CLIP2: variants seen among roughly 807,000 people sequenced by gnomAD.
CLIP2 encodes the protein CAP-Gly domain containing linker protein 2, also known as CAP-Gly domain-containing linker protein 2.
A neutral mutation model predicts 111.7 loss-of-function variants in CLIP2; 41 were observed. The ratio of observed to expected loss-of-function variants is 0.37; its 90% CI spans 0.29 to 0.48. The LOEUF (loss-of-function observed/expected upper bound fraction) is 0.48, where lower values mean the gene tolerates loss of function less well. Ranked by LOEUF, CLIP2 falls within the 20% of genes least tolerant of loss-of-function variation. The pLI is 0.99. For synonymous variants in CLIP2, 660 were observed against 644.2 expected, an observed-to-expected ratio of 1.02 and a Z score of -0.37; for missense variants, 1,160 against 1,422.1, an observed-to-expected ratio of 0.82 and a Z score of 2.96.
intron 11 of CLIP2, among the ~76,000 whole-genome samples, chr7:74,384,688 C>T (rs1554314521): frequency 6.6e-6 from 1 of 151,904 alleles, no homozygotes; most frequent in African/African-American, 2.4e-5. Flanking sequence ...TCAATCGATG[C>T]ACCTGCCTCG....
intron 1 of CLIP2, among the ~76,000 whole-genome samples, chr7:74,312,307 G>A (rs1788661750): frequency 1.3e-5 from 2 of 152,112 alleles, no homozygotes; most frequent in Admixed American, 1.3e-4. Flanking sequence ...TTCTCTGTGG[G>A]AGGGATTTTG....
chr7:74,293,299 C>A (rs1222522296), intron 1 of CLIP2, among the ~76,000 whole-genome samples: 1 of 152,148 alleles, frequency 6.6e-6, no homozygotes, highest in Non-Finnish European at 1.5e-5. Context: ...GCAGGCAGCT[C>A]CTCCTCTGGC....
chr7:74,300,650 T>C (rs1438614564), intron 1 of CLIP2, among the ~76,000 whole-genome samples: 3 of 151,120 alleles, frequency 2.0e-5, no homozygotes, highest in African/African-American at 7.3e-5. Context: ...TAGAGACGGG[T>C]TTTCACCGTG....
chr7:74,347,931 G>A (rs1400875648), intron 3 of CLIP2, among the ~76,000 whole-genome samples: 1 of 152,160 alleles, frequency 6.6e-6, no homozygotes, highest in Non-Finnish European at 1.5e-5. Flanking sequence ...TGTAATCCCA[G>A]CACTTTGGGA....
At chr7:74,342,785 C>T (rs1283858242) in intron 3 of CLIP2, among the ~76,000 whole-genome samples, 1 of 152,224 alleles carries the variant, frequency 6.6e-6, no homozygotes, top group East Asian at 1.9e-4. Flanking sequence ...CGGTGGCTCA[C>T]GCCTATAATC....
intron 11 of CLIP2, among the ~76,000 whole-genome samples, chr7:74,386,043 CTT>C (rs71519330): frequency 1.6e-5 from 2 of 124,070 alleles, no homozygotes; most frequent in African/African-American, 3.0e-5. Context: ...CGCCCAGCCT[CTT>C]TTTTTTTTTT....
At chr7:74,389,351 A>AG in intron 13 of CLIP2, 92 bp downstream of exon 13, 2 of 1,342,042 alleles carry the variant, frequency 1.5e-6, no homozygotes, top group Non-Finnish European at 2.0e-6. Flanking sequence ...TGGGGCAGAG[A>AG]GGGGGATAGA....
intron 11 of CLIP2, among the ~76,000 whole-genome samples, chr7:74,384,062 G>A (rs554948408): frequency 5.3e-5 from 8 of 152,248 alleles, no homozygotes; most frequent in East Asian, 3.9e-4. Context: ...GGTGGTGTGC[G>A]CCTGGAATCC....
chr7:74,401,425 G>A, intron 15 of CLIP2, 80 bp from the exon 16 acceptor site: 1 of 1,389,270 alleles, frequency 7.2e-7, no homozygotes, highest in Non-Finnish European at 1.0e-6. Flanking sequence ...CGGTCCCATG[G>A]GAAGACCTCG....
chr7:74,321,741 T>TA (rs1788958790), intron 2 of CLIP2, among the ~76,000 whole-genome samples: 1 of 151,862 alleles, frequency 6.6e-6, no homozygotes, highest in Non-Finnish European at 1.5e-5. Context: ...GTGCTGGGAT[T>TA]ATAGGTGTGA....
intron 3 of CLIP2, among the ~76,000 whole-genome samples, chr7:74,348,513 G>A (rs1471508535): frequency 6.6e-6 from 1 of 151,856 alleles, no homozygotes; most frequent in African/African-American, 2.4e-5. Context: ...GAGAGGGCCG[G>A]GTGCGGTGGC....
At chr7:74,380,168 G>A (rs1554313673) in intron 10 of CLIP2, 1 of 152,144 alleles carries the variant, frequency 6.6e-6, no homozygotes, top group East Asian at 1.9e-4. Flanking sequence ...AGGACAGCCA[G>A]CCTGGGCAGG....
At chr7:74,367,283 C>A (rs1005739445) in intron 8 of CLIP2, among the ~76,000 whole-genome samples, 4 of 152,030 alleles carry the variant, frequency 2.6e-5, no homozygotes, top group Non-Finnish European at 5.9e-5. Flanking sequence ...CTCCCCTTCC[C>A]GGGTTCATGC....
intron 2 of CLIP2, among the ~76,000 whole-genome samples, chr7:74,328,575 G>A (rs184646080): frequency 2.9e-4 from 44 of 152,172 alleles, no homozygotes; most frequent in African/African-American, 1.1e-3. Flanking sequence ...GGTTGGGAGG[G>A]AGAGAGACAC....
chr7:74,376,134 T>C lies in CLIP2; in HGVS notation c.1733T>C (p.Val578Ala), dbSNP rs782189630. 1.2e-6 allele frequency: 2 copies of C among 1,606,414 alleles called. No homozygotes were observed. The highest frequency in any genetic ancestry group is 1.7e-6 in the Non-Finnish European group (2 of 1,176,782). Residue 578 changes from valine (V) to alanine (A), a missense_variant, in exon 10 of 17, where the codon GTG (valine) becomes GCG (alanine). By Grantham distance (64) the Val-to-Ala change is moderately conservative. Around this residue, in one of 5 missense-constraint regions of CLIP2, gnomAD observed 676 missense variants for 777.8 expected, o/e 0.87. Transcript: ENST00000223398. This position sits in a 1 kb window ranked among gnomAD's most constrained non-coding sequence, Gnocchi z 7.1. ...EKALKAYQAE[V>A]DKLRAANEKY... Reference sequence around the variant, plus strand: ...GCCCTGAAGGCCTACCAGGCGGAGGTGGACAAGCTCCGCGCGGCCAACGAG... The same window carrying C: ...GCCCTGAAGGCCTACCAGGCGGAGGCGGACAAGCTCCGCGCGGCCAACGAG...
chr7:74,358,476 T>G (rs1790215740), intron 6 of CLIP2, among the ~76,000 whole-genome samples: 1 of 151,966 alleles, frequency 6.6e-6, no homozygotes, highest in Admixed American at 6.6e-5. Context: ...ATTACAGGTG[T>G]GAGCCACTGC....
chr7:74,366,745 G>C (rs963066737), intron 8 of CLIP2, among the ~76,000 whole-genome samples: 1 of 152,070 alleles, frequency 6.6e-6, no homozygotes, highest in African/African-American at 2.4e-5. Context: ...GCATGGTGAC[G>C]GGCGCCTCTA....
intron 1 of CLIP2, among the ~76,000 whole-genome samples, chr7:74,298,567 G>C (rs1584302570): frequency 1.1e-5 from 1 of 88,016 alleles, no homozygotes; most frequent in African/African-American, 3.3e-5. Context: ...TCACTCTGCT[G>C]TCCAGGTTGG....
chr7:74,394,097 C>T (rs1376347224), intron 13 of CLIP2, among the ~76,000 whole-genome samples: 1 of 152,140 alleles, frequency 6.6e-6, no homozygotes, highest in Non-Finnish European at 1.5e-5. Flanking sequence ...TCTGAATTTT[C>T]CCTGTCATCT....
Sources: gnomAD v4.1 joint callset for allele counts (sites outside exome capture counted in the v4.1 genomes callset) on GRCh38, gnomAD v4.1.1 for gene constraint, gnomAD v4.1.1 regional missense constraint, Gnocchi (gnomAD v3.1) non-coding constraint, MANE v1.5 for transcripts, NCBI Gene and HGNC (gene_info 2026-07-23, HGNC 2026-07-21) for gene names.